The following LRCH2 variants were observed in gnomAD, a reference collection of about 807,000 sequenced individuals.
LRCH2 encodes the protein leucine rich repeats and calponin homology domain containing 2, also known as leucine-rich repeat and calponin homology domain-containing protein 2.
In LRCH2, 38 loss-of-function variants were observed where a neutral mutation model predicts 68.9. That is an observed-to-expected ratio of 0.55 (90% confidence interval 0.43 to 0.72). The LOEUF (loss-of-function observed/expected upper bound fraction) is 0.72, where lower values mean the gene tolerates loss of function less well. Among genes scored for constraint, LRCH2 ranks in the 30% least tolerant of loss-of-function variants. The probability of loss-of-function intolerance (pLI) is 0.00; values close to 1 mark genes in which losing one functional copy is unlikely to be tolerated. For missense variants in LRCH2, 528 were observed against 572.9 expected (o/e 0.92, Z 0.80); for synonymous variants, 191 against 208.1 (o/e 0.92, Z 0.71).
chrX:115,190,171 C>T (rs184389455), intron 1 of LRCH2: 16,794 of 1,164,767 alleles, frequency 0.014, 106 homozygotes, highest in Middle Eastern at 0.018. Context: ...GGAGCCACTG[C>T]CCCCGTGCCG....
rs1556558345 is a variant in LRCH2, at chrX:115,190,920, G to A, written c.350-2550C>T. On this transcript the variant is annotated intron_variant, in intron 1 of 20. Transcript: ENST00000317135. ...GCTGCTCGCCCGAGGCCTACAGTGG[G>A]GGCCACGACAATTCCAGCTGGAGCG... 1.5e-5 allele frequency: 17 copies of A among 1,161,462 alleles called. No homozygotes were observed. The East Asian group carries it at 5.6e-4, about 38-fold the overall frequency.
chrX:115,125,102 T>G (rs1330901356), intron 16 of LRCH2, among the ~76,000 whole-genome samples: 1 of 109,972 alleles, frequency 9.1e-6, no homozygotes, highest in Non-Finnish European at 1.9e-5. Context: ...AGATGAAAAT[T>G]TCACTGATCC....
At chrX:115,166,778 G>A (rs1556545274) in intron 6 of LRCH2, among the ~76,000 whole-genome samples, 2 of 110,561 alleles carry the variant, frequency 1.8e-5, no homozygotes, top group Non-Finnish European at 3.8e-5. Flanking sequence ...AATAAAGAGA[G>A]GATGTAAAAA....
intron 1 of LRCH2, among the ~76,000 whole-genome samples, chrX:115,207,925 G>A (rs180950620): frequency 2.4e-4 from 27 of 111,748 alleles, no homozygotes; most frequent in African/African-American, 8.4e-4. Context: ...GACTGAAGAG[G>A]GGGCCATGTG....
In LRCH2 at chrX:115,122,768, G is replaced by A. The variant is rs200866315; in HGVS notation, c.2092C>T (p.Pro698Ser). The A allele has an allele frequency of 8.9e-4, 1,070 of 1,208,448 alleles. No individual in the cohort carries two copies. Among genetic ancestry groups the A allele is most frequent in the Non-Finnish European group, 1.1e-3 (1,009 of 894,603 alleles). The change falls in exon 19 of 21, where the codon CCA (proline) becomes TCA (serine). Residue 698 changes from proline to serine, a missense_variant. Coordinates refer to ENST00000317135, the MANE Select transcript of LRCH2 (RefSeq NM_020871.4). ...TTGTAAACAAAACTTACCACTGCTG[G>A]TGATGGTACATGAATACTAGCAACA... ...RSVASIHVPS[P>S]AVPKLSMAKC...
At chrX:115,161,078 C>CA (rs1285896871) in intron 11 of LRCH2, among the ~76,000 whole-genome samples, 4 of 112,210 alleles carry the variant, frequency 3.6e-5, no homozygotes, top group Non-Finnish European at 5.6e-5. Context: ...TTTGGCCGGG[C>CA]GTGGTGGCTC....
chrX:115,138,064 T>C (rs1556532601), intron 14 of LRCH2, among the ~76,000 whole-genome samples: 1 of 110,786 alleles, frequency 9.0e-6, no homozygotes, highest in Non-Finnish European at 1.9e-5. Context: ...TACCCCAAGA[T>C]ATGGCACCTT....
intron 11 of LRCH2, 147 bp from the exon 12 acceptor site, chrX:115,156,814 C>A (rs782722409): frequency 2.4e-5 from 8 of 340,281 alleles, no homozygotes; most frequent in African/African-American, 1.4e-4. Context: ...ATCAGATGCC[C>A]ATAAGTGTAC....
intron 1 of LRCH2, chrX:115,191,728 G>T (rs1384361758): frequency 8.6e-7 from 1 of 1,161,874 alleles, no homozygotes; most frequent in African/African-American, 1.8e-5. Flanking sequence ...CTACAGTGGG[G>T]GCCATGACAG....
chrX:115,171,314 G>A (rs1473822587), intron 5 of LRCH2, among the ~76,000 whole-genome samples: 2 of 111,257 alleles, frequency 1.8e-5, no homozygotes, highest in Non-Finnish European at 3.8e-5. Context: ...ACAGATACTA[G>A]GTCTGACTTG....
In LRCH2 at chrX:115,187,724, C is replaced by T. The variant is rs782731981; in HGVS notation, c.494+502G>A. ...TATAAACATGAACTGTCATCCACTT[C>T]CAAACCTTTCAACATTCTCACCCCA... On this transcript the variant is annotated intron_variant, in intron 2 of 20. Transcript: ENST00000317135. Among the ~76,000 whole-genome samples, 151 of 112,656 alleles carry T rather than the reference C, an allele frequency of 1.3e-3. 2 individuals are homozygous for T. The highest frequency in any genetic ancestry group is 1.3e-3 in the Non-Finnish European group (69 of 53,349).
chrX:115,176,440 A>G (rs1479801452), intron 5 of LRCH2, among the ~76,000 whole-genome samples: 7 of 111,024 alleles, frequency 6.3e-5, no homozygotes, highest in African/African-American at 1.6e-4. Context: ...ATCTTTTCAT[A>G]TAGCTGTTGG....
intron 3 of LRCH2, 91 bp downstream of exon 3, chrX:115,184,320 A>G: frequency 1.3e-6 from 1 of 771,868 alleles, no homozygotes; most frequent in Non-Finnish European, 1.7e-6. Flanking sequence ...TTTTTTAAAA[A>G]TTACAATTAA....
chrX:115,189,687 C>A, intron 1 of LRCH2: 2 of 1,168,205 alleles, frequency 1.7e-6, no homozygotes, highest in Non-Finnish European at 2.3e-6. Flanking sequence ...TCATGGTGGC[C>A]CAGACCATCA....
intron 11 of LRCH2, among the ~76,000 whole-genome samples, chrX:115,162,849 T>C (rs782618176): frequency 4.0e-4 from 45 of 111,709 alleles, no homozygotes; most frequent in Middle Eastern, 9.1e-3. Flanking sequence ...CCATGTTAAA[T>C]GCACCAAAAT....
intron 14 of LRCH2, among the ~76,000 whole-genome samples, chrX:115,133,284 G>A (rs190734428): frequency 2.4e-4 from 27 of 112,084 alleles, no homozygotes; most frequent in Non-Finnish European, 4.5e-4. Context: ...TTGCCTCTCC[G>A]ATCTGCCTGG....
intron 1 of LRCH2, among the ~76,000 whole-genome samples, chrX:115,220,328 T>C (rs371970169): frequency 2.7e-5 from 3 of 112,294 alleles, no homozygotes; most frequent in African/African-American, 9.7e-5. Context: ...GAGTATACAA[T>C]AGACTACAAT....
At chrX:115,165,769 T>A in intron 8 of LRCH2, 72 bp downstream of exon 8, 1 of 963,627 alleles carries the variant, frequency 1.0e-6, no homozygotes, top group Non-Finnish European at 1.4e-6. Flanking sequence ...AAAGACAATA[T>A]AATTTTTCAA....
chrX:115,218,054 T>C (rs2147359722), intron 1 of LRCH2, among the ~76,000 whole-genome samples: 1 of 111,755 alleles, frequency 8.9e-6, no homozygotes, highest in African/African-American at 3.3e-5. Context: ...TTCATATCCT[T>C]CGCTCAGTTT....
Sources: allele counts gnomAD v4.1 joint callset (sites outside exome capture counted in the v4.1 genomes callset), GRCh38; gene constraint gnomAD v4.1.1; transcripts MANE v1.5; gene names NCBI Gene and HGNC (gene_info 2026-07-23, HGNC 2026-07-21).